The following ZNF638 variants were observed in gnomAD, a reference collection of about 807,000 sequenced individuals.
ZNF638 encodes the protein CTCL tumor antigen se33-1.
Under a neutral mutation model 195.6 loss-of-function variants are expected in ZNF638, and 46 were observed. The observed-to-expected ratio is 0.24, with a 90% CI of 0.19 to 0.30. ZNF638 has a LOEUF of 0.30. Ranked by LOEUF, ZNF638 falls within the 10% of genes least tolerant of loss-of-function variation. ZNF638 has a pLI of 1.00. For missense variants in ZNF638, 2,440 were observed against 2,325.3 expected, an observed-to-expected ratio of 1.05 and a Z score of -1.01; for synonymous variants, 845 against 772.0, an observed-to-expected ratio of 1.09 and a Z score of -1.57.
intron 10 of ZNF638, among the ~76,000 whole-genome samples, chr2:71,390,455 A>G (rs796422301): frequency 7.9e-5 from 12 of 152,336 alleles, no homozygotes; most frequent in African/African-American, 2.9e-4. Flanking sequence ...AAAGGAATTA[A>G]TGTGCTCACC....
rs1253526113 is a variant in ZNF638 at position 71,409,499 on chromosome 2, G to A, written c.3261+1252G>A. Reference sequence around the variant, plus strand: ...ATGAAGATATTTACTGCAGAATTAAGTAATAATGAGAATGGGTTTATAAAG... The same window carrying A: ...ATGAAGATATTTACTGCAGAATTAAATAATAATGAGAATGGGTTTATAAAG... On this transcript the variant is annotated intron_variant, in intron 20 of 27. Coordinates refer to ENST00000264447, the MANE Select transcript of ZNF638 (RefSeq NM_014497.5). 3.9e-5 allele frequency among the ~76,000 whole-genome samples: 6 copies of A among 152,156 alleles called. No homozygotes were observed. The East Asian group carries it at 1.2e-3, about 29-fold the overall frequency.
intron 1 of ZNF638, among the ~76,000 whole-genome samples, chr2:71,347,945 A>G (rs892414871): frequency 1.6e-4 from 25 of 152,296 alleles, no homozygotes; most frequent in Admixed American, 7.2e-4. Context: ...AAAACTGTAC[A>G]TATCTCAGGA....
chr2:71,410,204 G>T (rs1237771086), intron 20 of ZNF638, among the ~76,000 whole-genome samples: 1 of 152,066 alleles, frequency 6.6e-6, no homozygotes, highest in Non-Finnish European at 1.5e-5. Flanking sequence ...TTTTAAAGAC[G>T]AAGTCTTAAC....
intron 8 of ZNF638, among the ~76,000 whole-genome samples, chr2:71,374,375 T>C (rs1299288289): frequency 6.6e-6 from 1 of 152,224 alleles, no homozygotes; most frequent in East Asian, 1.9e-4. Flanking sequence ...ACTATGTGGT[T>C]TCTGTTACAA....
At chr2:71,333,652 G>A (rs2078612668) in intron 1 of ZNF638, among the ~76,000 whole-genome samples, 1 of 152,228 alleles carries the variant, frequency 6.6e-6, no homozygotes, top group African/African-American at 2.4e-5. Flanking sequence ...AAGTAGTTTA[G>A]TGGAAAGAGA....
At chr2:71,398,610 TTA>T in intron 11 of ZNF638, 89 bp from the exon 12 acceptor site, 1 of 1,013,420 alleles carries the variant, frequency 9.9e-7, no homozygotes, top group East Asian at 2.4e-5. Flanking sequence ...ACACAGCCTA[TTA>T]TTCTTACATC....
chr2:71,425,372 A>C (rs1235808396), intron 23 of ZNF638, among the ~76,000 whole-genome samples: 1 of 152,204 alleles, frequency 6.6e-6, no homozygotes, highest in Non-Finnish European at 1.5e-5. Flanking sequence ...AAGCAGAAGT[A>C]AGGATTGTGG....
intron 2 of ZNF638, among the ~76,000 whole-genome samples, chr2:71,352,496 A>T (rs948274474): frequency 0.016 from 26 of 1,580 alleles, no homozygotes; most frequent in Non-Finnish European, 0.034. Context: ...TAAAAAAAAT[A>T]AAAAAAAAAA....
intron 10 of ZNF638, chr2:71,388,537 G>A (rs1260049570): frequency 1.1e-5 from 8 of 721,968 alleles, no homozygotes; most frequent in South Asian, 2.9e-5. Context: ...TTCTCTCTTC[G>A]GCGTCTCTAA....
At position 71,427,453 on chromosome 2, in the gene ZNF638, G is replaced by A. The variant is rs770647327; in HGVS notation, c.5545+39G>A. The A allele has an allele frequency of 1.4e-5, 19 of 1,400,414 alleles. No homozygotes were observed. In the Middle Eastern group the frequency reaches 9.9e-4, roughly 73 times the overall value. 86.7% of individuals were successfully genotyped at this position (1,400,414 alleles called of 1,614,324 possible). A position where few individuals can be genotyped will look rare whatever the true frequency, so the allele number is the denominator to read the frequency against. Reference sequence around the variant, plus strand: ...AGGGGTAGTCTTTCTGTTTTATGAGGGGATTACATTTAAAATTAATTTTAA... The same window carrying A: ...AGGGGTAGTCTTTCTGTTTTATGAGAGGATTACATTTAAAATTAATTTTAA... On this transcript the variant is annotated intron_variant, in intron 24 of 27. Coordinates refer to ENST00000264447, the MANE Select transcript of ZNF638 (RefSeq NM_014497.5).
At position 71,427,042 on chromosome 2, in the gene ZNF638, C is replaced by T; in HGVS notation, c.5173C>T (p.Gln1725Ter). 1 of 1,613,612 alleles carries T rather than the reference C, an allele frequency of 6.2e-7. No homozygotes were observed. The highest frequency in any genetic ancestry group is 8.5e-7 in the Non-Finnish European group (1 of 1,179,864). ...GGATTCCATTGGCTTCATTTCTTCT[C>T]AGGTGCCCGAAGACCCTTCTACTTT... ...VRDSIGFISS[Q>*]VPEDPSTLVT... The change falls in exon 24 of 28, where the codon CAG becomes TAG. Residue 1725 changes from glutamine (Q) to a stop codon, truncating the protein, a stop_gained. Coordinates refer to ENST00000264447, the MANE Select transcript of ZNF638 (RefSeq NM_014497.5). LOFTEE classifies it high-confidence loss of function.
At chr2:71,388,392 C>T in intron 10 of ZNF638, 3 of 647,224 alleles carry the variant, frequency 4.6e-6, no homozygotes, top group Non-Finnish European at 8.5e-6. Flanking sequence ...GATCATCTGA[C>T]CTTTGATCAT....
intron 7 of ZNF638, among the ~76,000 whole-genome samples, chr2:71,369,213 C>T (rs2079261960): frequency 6.6e-6 from 1 of 150,792 alleles, no homozygotes; most frequent in Non-Finnish European, 1.5e-5. Context: ...ATCCCACCTA[C>T]GTGGGAGGTT....
intron 10 of ZNF638, among the ~76,000 whole-genome samples, chr2:71,385,007 A>G (rs775952936): frequency 1.3e-5 from 2 of 152,208 alleles, no homozygotes; most frequent in Admixed American, 6.5e-5. Flanking sequence ...ATACCATGGC[A>G]TTCAGGAGAA....
At chr2:71,384,825 T>A (rs1227320115) in intron 10 of ZNF638, among the ~76,000 whole-genome samples, 2 of 152,246 alleles carry the variant, frequency 1.3e-5, no homozygotes, top group Non-Finnish European at 2.9e-5. Flanking sequence ...TTGTGAAAAT[T>A]TTAAAATATT....
chr2:71,352,495 T>A (rs34308727), intron 2 of ZNF638, among the ~76,000 whole-genome samples: 2,241 of 133,876 alleles, frequency 0.017, 35 homozygotes, highest in African/African-American at 0.031. Flanking sequence ...ATAAAAAAAA[T>A]AAAAAAAAAA....
In ZNF638 at chr2:71,349,834, T is replaced by A; in HGVS notation, c.880T>A (p.Ser294Thr). ...FFSVESGTKM[S>T]GLHISGGQSV... ...CTCAGTTGAGAGTGGAACCAAGATGTCAGGCTTACACATTTCAGGAGGACA... is the reference window on the plus strand; with the variant it reads ...CTCAGTTGAGAGTGGAACCAAGATGACAGGCTTACACATTTCAGGAGGACA... Residue 294 changes from serine to threonine, a missense_variant, in exon 2 of 28, where the codon TCA becomes ACA. This residue lies in a region of ZNF638 where 305 missense variants were observed against 283.6 expected (regional missense o/e 1.08). Coordinates refer to ENST00000264447, the MANE Select transcript of ZNF638 (RefSeq NM_014497.5). 6.2e-7 allele frequency: 1 copy of A among 1,614,194 alleles called. No homozygotes were observed. The highest frequency in any genetic ancestry group is 8.5e-7 in the Non-Finnish European group (1 of 1,180,042).
At chr2:71,378,221 T>G (rs967169536) in intron 8 of ZNF638, among the ~76,000 whole-genome samples, 3 of 152,206 alleles carry the variant, frequency 2.0e-5, no homozygotes, top group Non-Finnish European at 4.4e-5. Context: ...GTGAAATGTA[T>G]AATCAAAAAT....
In ZNF638 at chr2:71,349,232, A is replaced by C; in HGVS notation, c.278A>C (p.Gln93Pro). 1.2e-6 allele frequency: 2 copies of C among 1,614,204 alleles called. No homozygotes were observed. The highest frequency in any genetic ancestry group is 1.7e-6 in the Non-Finnish European group (2 of 1,180,044). Residue 93 changes from glutamine to proline, a missense_variant, in exon 2 of 28, where the codon CAA becomes CCA. Physicochemically the swap from Gln to Pro is moderately conservative, Grantham distance 76 (BLOSUM62 -1). Around this residue, in one of 5 missense-constraint regions of ZNF638, gnomAD observed 191 missense variants for 173.8 expected, o/e 1.10. Coordinates refer to ENST00000264447, the MANE Select transcript of ZNF638 (RefSeq NM_014497.5). ...TKEKLDFHEA[Q>P]QKKGKPHGSR... ...GAAAAACTGGATTTTCATGAAGCAC[A>C]ACAGAAGAAGGGGAAGCCTCATGGT...
Sources: gnomAD v4.1 joint callset for allele counts (sites outside exome capture counted in the v4.1 genomes callset) on GRCh38, gnomAD v4.1.1 for gene constraint, gnomAD v4.1.1 regional missense constraint, MANE v1.5 for transcripts, NCBI Gene and HGNC (gene_info 2026-07-23, HGNC 2026-07-21) for gene names.